The following ZBTB16 variants were observed in gnomAD, a reference collection of about 807,000 sequenced individuals.
ZBTB16 encodes the protein zinc finger and BTB domain containing 16.
A neutral mutation model predicts 56.8 loss-of-function variants in ZBTB16; 8 were observed. The ratio of observed to expected loss-of-function variants is 0.14; its 90% confidence interval spans 0.08 to 0.25. The LOEUF is 0.25. Ranked by LOEUF, ZBTB16 falls within the 10% of genes least tolerant of loss-of-function variation. The probability of loss-of-function intolerance (pLI) is 1.00; values close to 1 mark genes in which losing one functional copy is unlikely to be tolerated. For missense variants in ZBTB16, 625 were observed against 903.0 expected, an observed-to-expected ratio of 0.69 and a Z score of 3.95; for synonymous variants, 363 against 368.5, an observed-to-expected ratio of 0.98 and a Z score of 0.17.
intron 3 of ZBTB16, among the ~76,000 whole-genome samples, chr11:114,181,743 G>A (rs1401689046): frequency 6.6e-6 from 1 of 152,156 alleles, no homozygotes; most frequent in Non-Finnish European, 1.5e-5. Flanking sequence ...GGTTTGCTTG[G>A]ATCTGTGATT....
At chr11:114,159,750 A>G (rs1427717480) in intron 3 of ZBTB16, among the ~76,000 whole-genome samples, 1 of 152,166 alleles carries the variant, frequency 6.6e-6, no homozygotes, top group African/African-American at 2.4e-5. Context: ...ATGTTTTAGA[A>G]GAGACATTGA....
intron 4 of ZBTB16, among the ~76,000 whole-genome samples, chr11:114,190,424 T>C (rs620523): frequency 0.59 from 89,679 of 151,954 alleles, 27,017 homozygotes; most frequent in African/African-American, 0.69. Flanking sequence ...AGCCAACAGT[T>C]GGGTAAAATC....
At chr11:114,212,388 A>G (rs1479887818) in intron 4 of ZBTB16, among the ~76,000 whole-genome samples, 1 of 151,914 alleles carries the variant, frequency 6.6e-6, no homozygotes. Flanking sequence ...AGTTTCCTGG[A>G]GTTCTTGTCC....
At chr11:114,240,646 C>A (rs1262469763) in intron 4 of ZBTB16, among the ~76,000 whole-genome samples, 1 of 152,174 alleles carries the variant, frequency 6.6e-6, no homozygotes, top group Non-Finnish European at 1.5e-5. Flanking sequence ...AAAGGGTGGG[C>A]ACTGAGCTGC....
At chr11:114,098,329 A>G (rs972609981) in intron 2 of ZBTB16, among the ~76,000 whole-genome samples, 2 of 152,102 alleles carry the variant, frequency 1.3e-5, no homozygotes, top group African/African-American at 2.4e-5. Context: ...GGGGCGCACT[A>G]TATATATAGT....
At chr11:114,146,568 T>C (rs509402) in intron 2 of ZBTB16, among the ~76,000 whole-genome samples, 97,055 of 151,902 alleles carry the variant, frequency 0.64, 31,913 homozygotes, top group Middle Eastern at 0.79. Flanking sequence ...CAGTTGGGGC[T>C]AGGCACGGTG....
At chr11:114,191,490 TTATGTA>T (rs1382055300) in intron 4 of ZBTB16, among the ~76,000 whole-genome samples, 1 of 152,142 alleles carries the variant, frequency 6.6e-6, no homozygotes, top group East Asian at 1.9e-4. Flanking sequence ...CCATCTAGGC[TTATGTA>T]AGTGTGCTCT....
intron 3 of ZBTB16, among the ~76,000 whole-genome samples, chr11:114,166,371 T>C (rs1383411151): frequency 6.6e-6 from 1 of 151,924 alleles, no homozygotes; most frequent in Non-Finnish European, 1.5e-5. Context: ...GATTGGACAG[T>C]CCTTTGGGTA....
chr11:114,115,343 T>C (rs75050056), intron 2 of ZBTB16, among the ~76,000 whole-genome samples: 1 of 47,540 alleles, frequency 2.1e-5, no homozygotes, highest in South Asian at 5.8e-4. Flanking sequence ...CCTTCCTCCT[T>C]TTTTTTTTTT....
chr11:114,221,446 A>C (rs1299855355), intron 4 of ZBTB16, among the ~76,000 whole-genome samples: 2 of 152,202 alleles, frequency 1.3e-5, no homozygotes, highest in East Asian at 3.9e-4. Flanking sequence ...TTAAAGTTTA[A>C]AATTAAGTGC....
chr11:114,175,645 T>A (rs1384912555), intron 3 of ZBTB16, among the ~76,000 whole-genome samples: 2 of 152,014 alleles, frequency 1.3e-5, no homozygotes, highest in Non-Finnish European at 2.9e-5. Context: ...AATATTGAGA[T>A]GCCAAAGAGA....
At chr11:114,089,687 A>G (rs1262797120) in intron 2 of ZBTB16, among the ~76,000 whole-genome samples, 1 of 152,218 alleles carries the variant, frequency 6.6e-6, no homozygotes, top group African/African-American at 2.4e-5. Context: ...TGACCTAGCT[A>G]CGGTCCTCAT....
At chr11:114,086,939 C>A (rs1391712389) in intron 2 of ZBTB16, among the ~76,000 whole-genome samples, 1 of 152,196 alleles carries the variant, frequency 6.6e-6, no homozygotes, top group Non-Finnish European at 1.5e-5. Flanking sequence ...GTATTGGCTC[C>A]ATTGACCCCT....
intron 4 of ZBTB16, among the ~76,000 whole-genome samples, chr11:114,201,291 G>A (rs1276414202): frequency 6.6e-6 from 1 of 152,136 alleles, no homozygotes; most frequent in East Asian, 1.9e-4. Flanking sequence ...TTCTGAGTTA[G>A]ACAGCCAGGA....
chr11:114,172,231 G>T (rs1446432505), intron 3 of ZBTB16, among the ~76,000 whole-genome samples: 1 of 152,198 alleles, frequency 6.6e-6, no homozygotes, highest in East Asian at 1.9e-4. Flanking sequence ...CTAGTGCCCA[G>T]ATTTCCTTTT....
chr11:114,064,389 T>C lies in ZBTB16; in HGVS notation c.1089T>C (p.Ala363=), dbSNP rs1183531480. 2 of 1,613,984 alleles carry C rather than the reference T, an allele frequency of 1.2e-6. No individual in the cohort carries two copies. Among genetic ancestry groups the C allele is most frequent in the Non-Finnish European group, 1.7e-6 (2 of 1,180,030 alleles). The change falls in exon 2 of 7, where the codon GCT becomes GCC. Residue 363 remains alanine (A), a synonymous_variant. Coordinates refer to ENST00000335953, the MANE Select transcript of ZBTB16 (RefSeq NM_006006.6). This position sits in a 1 kb window ranked among gnomAD's most constrained non-coding sequence, Gnocchi z 4.2. ...TSGLHVQPAL[A]VSMDFSTYGG... ...GCCTCCACGTGCAGCCTGCCCTGGC[T>C]GTCTCCATGGACTTCAGCACCTATG...
chr11:114,221,573 C>T (rs1944232981), intron 4 of ZBTB16, among the ~76,000 whole-genome samples: 1 of 152,198 alleles, frequency 6.6e-6, no homozygotes, highest in African/African-American at 2.4e-5. Flanking sequence ...CTCCACCCCA[C>T]TGTCATGCCA....
chr11:114,228,938 C>G (rs891520113), intron 4 of ZBTB16, among the ~76,000 whole-genome samples: 3 of 152,204 alleles, frequency 2.0e-5, no homozygotes, highest in Admixed American at 1.3e-4. Flanking sequence ...CTCCCCTTCC[C>G]TGGCGCCCCA....
At chr11:114,153,406 C>T (rs193180923) in intron 2 of ZBTB16, among the ~76,000 whole-genome samples, 296 of 152,282 alleles carry the variant, frequency 1.9e-3, no homozygotes, top group African/African-American at 6.7e-3. Flanking sequence ...GTATGGGGCA[C>T]TGAGTTAGTG....
Sources: gnomAD v4.1 joint callset for allele counts (sites outside exome capture counted in the v4.1 genomes callset) on GRCh38, gnomAD v4.1.1 for gene constraint, Gnocchi (gnomAD v3.1) non-coding constraint, MANE v1.5 for transcripts, NCBI Gene and HGNC (gene_info 2026-07-23, HGNC 2026-07-21) for gene names.